ELOVL4: variants seen among roughly 807,000 people sequenced by gnomAD.
ELOVL4 encodes ELOVL fatty acid elongase 4.
A neutral mutation model predicts 42.1 loss-of-function variants in ELOVL4; 18 were observed. The ratio of observed to expected loss-of-function variants is 0.43; its 90% CI spans 0.30 to 0.63. The LOEUF (loss-of-function observed/expected upper bound fraction) is 0.63, where lower values mean the gene tolerates loss of function less well. Ranked by LOEUF, ELOVL4 falls within the 30% of genes least tolerant of loss-of-function variation. ELOVL4 has a pLI of 0.15. For synonymous variants in ELOVL4, 117 were observed against 127.0 expected (o/e 0.92, Z 0.53); for missense variants, 299 against 376.2 (o/e 0.79, Z 1.70).
intron 4 of ELOVL4, among the ~76,000 whole-genome samples, chr6:79,921,077 T>C (rs1257664551): frequency 6.6e-6 from 1 of 152,170 alleles, no homozygotes; most frequent in Non-Finnish European, 1.5e-5. Flanking sequence ...ACCTTTAGTC[T>C]TGGTTTATGC....
At position 79,916,499 on chromosome 6, in the gene ELOVL4, T is replaced by G; in HGVS notation, c.*109A>C. On this transcript the variant is annotated 3_prime_UTR_variant, in exon 6 of 6. Transcript: ENST00000369816. ...GAGTTACTAGGACATAGAGCACATTTGTCTTTTCTCCCCACCCCCAAGCTC... is the reference window on the plus strand; with the variant it reads ...GAGTTACTAGGACATAGAGCACATTGGTCTTTTCTCCCCACCCCCAAGCTC... 1 of 1,278,126 alleles carries G rather than the reference T, an allele frequency of 7.8e-7. No homozygotes were observed. The highest frequency in any genetic ancestry group is 1.1e-6 in the Non-Finnish European group (1 of 885,034). 79.2% of individuals were successfully genotyped at this position (1,278,126 alleles called of 1,614,324 possible). A position where few individuals can be genotyped will look rare whatever the true frequency, so the allele number is the denominator to read the frequency against.
Position 79,929,799 on chromosome 6 carries a change from A to G in ELOVL4, c.101-3418T>C, listed in dbSNP as rs183762976. Among the ~76,000 whole-genome samples, 3 of 152,322 alleles carry G rather than the reference A, an allele frequency of 2.0e-5. No individual in the cohort carries two copies. In the East Asian group the frequency reaches 5.8e-4, roughly 29 times the overall value. ...GACCAGAGCACCTGCACATGTTACT[A>G]TTCCATTACAGCACTCATTACACTG... On this transcript the variant is annotated intron_variant, in intron 1 of 5. Coordinates refer to ENST00000369816, the MANE Select transcript of ELOVL4 (RefSeq NM_022726.4).
chr6:79,932,602 C>T (rs767327869), intron 1 of ELOVL4, among the ~76,000 whole-genome samples: 1 of 151,722 alleles, frequency 6.6e-6, no homozygotes, highest in Non-Finnish European at 1.5e-5. Context: ...TGAATATCTT[C>T]CACCAATAAG....
intron 1 of ELOVL4, 77 bp from the exon 2 acceptor site, chr6:79,926,458 T>A: frequency 7.1e-7 from 1 of 1,408,880 alleles, no homozygotes; most frequent in Non-Finnish European, 9.8e-7. Flanking sequence ...GGAATCAAGA[T>A]GTTTCAACTT....
At chr6:79,943,751 C>T (rs557833163) in intron 1 of ELOVL4, among the ~76,000 whole-genome samples, 6 of 152,208 alleles carry the variant, frequency 3.9e-5, no homozygotes, top group African/African-American at 9.6e-5. Context: ...CAAGTAAATA[C>T]GGAAAGAAAT....
rs886061796 is a variant in ELOVL4, at chr6:79,915,040, T to C, written c.*1568A>G. The C allele has an allele frequency of 7.2e-5, 11 of 152,726 alleles. No individual in the cohort carries two copies. The East Asian group carries it at 2.1e-3, about 29-fold the overall frequency. The allele number at this position is 152,726 out of a possible 1,614,324, so 9.5% of individuals were successfully genotyped here. ...GCCTTTGGGGAAAAAGTATTTAATT[T>C]TAATGCACAATAAATATGTTATAGC... On this transcript the variant is annotated 3_prime_UTR_variant, in exon 6 of 6. Transcript: ENST00000369816.
At position 79,916,853 on chromosome 6, in the gene ELOVL4, C is replaced by T. The variant is rs1326683019; in HGVS notation, c.700G>A (p.Ala234Thr). ...IQFHVTIGHT[A>T]LSLYTDCPFP... ...GGGCAGTCAGTGTAAAGAGACAGTG[C>T]CGTGTGCCCAATGGTCACATGGAAT... The change falls in exon 6 of 6, where the codon GCA (alanine) becomes ACA (threonine). Residue 234 changes from alanine to threonine, a missense_variant. Transcript: ENST00000369816. The T allele has an allele frequency of 1.1e-5, 17 of 1,614,078 alleles. No individual in the cohort carries two copies. The highest frequency in any genetic ancestry group is 1.4e-5 in the Non-Finnish European group (17 of 1,180,000).
At chr6:79,944,058 C>T (rs1774695516) in intron 1 of ELOVL4, among the ~76,000 whole-genome samples, 1 of 152,156 alleles carries the variant, frequency 6.6e-6, no homozygotes. Context: ...ACAGGAGACA[C>T]CTGGCTTTAC....
intron 1 of ELOVL4, among the ~76,000 whole-genome samples, chr6:79,943,192 G>A (rs1774675424): frequency 6.6e-6 from 1 of 152,126 alleles, no homozygotes; most frequent in African/African-American, 2.4e-5. Context: ...TAAGCATACT[G>A]TACAATACTT....
At chr6:79,936,294 C>G (rs192468275) in intron 1 of ELOVL4, among the ~76,000 whole-genome samples, 31 of 152,058 alleles carry the variant, frequency 2.0e-4, no homozygotes, top group Admixed American at 1.3e-3. Context: ...TTGTTAAAAC[C>G]AACAGTTGCA....
Position 79,921,806 on chromosome 6 carries a change from G to A in ELOVL4, c.370-10C>T, listed in dbSNP as rs1420120921. The A allele has an allele frequency of 6.2e-7, 1 of 1,613,668 alleles. No homozygotes were observed. Among genetic ancestry groups the A allele is most frequent in the East Asian group, 2.2e-5 (1 of 44,836 alleles). On this transcript the variant is annotated splice_polypyrimidine_tract_variant and intron_variant, in intron 3 of 5. Coordinates refer to ENST00000369816, the MANE Select transcript of ELOVL4 (RefSeq NM_022726.4). ...ACAGAGCAGCAGCTATCTGTAAAAA[G>A]GGAAAGCGTGTTATAAACACCAAAA...
intron 1 of ELOVL4, among the ~76,000 whole-genome samples, chr6:79,933,242 T>C (rs1774482099): frequency 6.6e-6 from 1 of 151,586 alleles, no homozygotes; most frequent in Admixed American, 6.6e-5. Context: ...GTTTGTTTGT[T>C]TGTTTTGGGA....
intron 1 of ELOVL4, among the ~76,000 whole-genome samples, chr6:79,931,689 G>C (rs186811444): frequency 0.015 from 2,207 of 152,054 alleles, 30 homozygotes; most frequent in South Asian, 0.038. Context: ...AAGGGAAAAA[G>C]ACTAAAGACT....
At chr6:79,943,627 T>C (rs1774684374) in intron 1 of ELOVL4, among the ~76,000 whole-genome samples, 1 of 152,112 alleles carries the variant, frequency 6.6e-6, no homozygotes, top group African/African-American at 2.4e-5. Context: ...CTCCAGACCA[T>C]GATATCAAGG....
intron 1 of ELOVL4, among the ~76,000 whole-genome samples, chr6:79,932,347 C>G (rs1774461039): frequency 6.6e-6 from 1 of 151,938 alleles, no homozygotes; most frequent in Non-Finnish European, 1.5e-5. Flanking sequence ...TCAAGACCAG[C>G]CTGGCCAACA....
chr6:79,942,250 C>T (rs1218552245), intron 1 of ELOVL4, among the ~76,000 whole-genome samples: 2 of 152,140 alleles, frequency 1.3e-5, no homozygotes, highest in Non-Finnish European at 2.9e-5. Context: ...TGGACCTTGG[C>T]TTTAAAAGGC....
intron 1 of ELOVL4, among the ~76,000 whole-genome samples, chr6:79,928,212 G>C (rs1439901694): frequency 1.3e-5 from 2 of 152,102 alleles, no homozygotes; most frequent in Non-Finnish European, 2.9e-5. Flanking sequence ...GTGGTATCCT[G>C]TTCTTTTCCA....
chr6:79,925,101 C>T (rs1582047431), intron 2 of ELOVL4, 69 bp from the exon 3 acceptor site: 4 of 998,488 alleles, frequency 4.0e-6, no homozygotes, highest in Admixed American at 1.8e-5. Context: ...CAATTATATA[C>T]AAAATGTAGC....
intron 1 of ELOVL4, among the ~76,000 whole-genome samples, chr6:79,943,013 CTT>C (rs1213478317): frequency 1.4e-5 from 2 of 144,188 alleles, no homozygotes. Context: ...TTCTTTCTTT[CTT>C]TTTTTTTTTT....
Sources: gnomAD v4.1 joint callset for allele counts (sites outside exome capture counted in the v4.1 genomes callset) on GRCh38, gnomAD v4.1.1 for gene constraint, MANE v1.5 for transcripts, NCBI Gene and HGNC (gene_info 2026-07-23, HGNC 2026-07-21) for gene names.